The following NDUFA10 variants were observed in gnomAD, a reference collection of about 807,000 sequenced individuals.
The protein encoded by NDUFA10 is NADH:ubiquinone oxidoreductase subunit A10.
In NDUFA10, 40 loss-of-function variants were observed where a neutral mutation model predicts 47.8. That is an observed-to-expected ratio of 0.84 (90% CI 0.65 to 1.09). NDUFA10 has a LOEUF of 1.09. Among genes scored for constraint, NDUFA10 ranks in the 50% least tolerant of loss-of-function variants. The pLI, the probability that NDUFA10 is intolerant of heterozygous loss-of-function variation, is 0.00. For synonymous variants in NDUFA10, 183 were observed against 172.2 expected (o/e 1.06, Z -0.49); for missense variants, 413 against 451.1 (o/e 0.92, Z 0.76).
At chr2:239,933,424 G>A (rs1297786186) in intron 4 of NDUFA10, among the ~76,000 whole-genome samples, 1 of 152,194 alleles carries the variant, frequency 6.6e-6, no homozygotes, top group Non-Finnish European at 1.5e-5. Context: ...GGCCTGGGGA[G>A]CGACCTGGAG....
chr2:239,981,061 T>C (rs1695753928), intron 9 of NDUFA10, among the ~76,000 whole-genome samples: 3 of 152,238 alleles, frequency 2.0e-5, no homozygotes, highest in South Asian at 2.1e-4. Flanking sequence ...TCCTCAGGAA[T>C]CTGAGGCCTG....
At chr2:239,976,185 T>C (rs1292643747) in intron 9 of NDUFA10, among the ~76,000 whole-genome samples, 1 of 152,224 alleles carries the variant, frequency 6.6e-6, no homozygotes, top group Non-Finnish European at 1.5e-5. Flanking sequence ...CATAACAATG[T>C]GCAATGCCCT....
intron 4 of NDUFA10, among the ~76,000 whole-genome samples, chr2:239,917,577 C>T (rs968030917): frequency 3.3e-5 from 5 of 152,196 alleles, no homozygotes; most frequent in East Asian, 1.9e-4. Context: ...ACCTAGATAA[C>T]GGACATCTGG....
intron 4 of NDUFA10, among the ~76,000 whole-genome samples, chr2:239,910,703 A>G (rs1481386111): frequency 6.6e-6 from 1 of 151,962 alleles, no homozygotes; most frequent in South Asian, 2.1e-4. Context: ...CCGCACCTGT[A>G]CCCCCGAACT....
chr2:239,947,265 T>C lies in NDUFA10; in HGVS notation c.294+42809A>G, dbSNP rs151035445. Reference sequence around the variant, plus strand: ...CGAGCCTGGGAATACCAAGAAGTCATACCAGGACAGCCCTATACCAATGCA... The same window carrying C: ...CGAGCCTGGGAATACCAAGAAGTCACACCAGGACAGCCCTATACCAATGCA... On this transcript the variant is annotated intron_variant, in intron 4 of 5. Coordinates refer to the NDUFA10 transcript ENST00000419408. Among the ~76,000 whole-genome samples the C allele has an allele frequency of 4.8e-3, 730 of 152,272 alleles. 11 individuals carry two copies. The highest frequency in any genetic ancestry group is 0.017 in the African/African-American group (701 of 41,560).
intron 9 of NDUFA10, among the ~76,000 whole-genome samples, chr2:239,973,265 T>C (rs1459821001): frequency 6.6e-6 from 1 of 151,992 alleles, no homozygotes; most frequent in South Asian, 2.1e-4. Flanking sequence ...CCAAACTGAG[T>C]TCCAAGTAAG....
At chr2:239,992,420 C>T (rs1215904028) in intron 8 of NDUFA10, among the ~76,000 whole-genome samples, 2 of 152,176 alleles carry the variant, frequency 1.3e-5, no homozygotes, top group African/African-American at 4.8e-5. Context: ...AACTGAATGT[C>T]AACACTTTGT....
Position 239,961,085 on chromosome 2 carries a change from A to G in NDUFA10, c.*33T>C, listed in dbSNP as rs751621613. On this transcript the variant is annotated 3_prime_UTR_variant, in exon 10 of 10. Coordinates refer to ENST00000252711, the MANE Select transcript of NDUFA10 (RefSeq NM_004544.4). ...GTGCGGCTGATGCAGCTTGGCCATC[A>G]CTGTGATGCAGCTGGAGCAGAAGGC... The G allele has an allele frequency of 3.7e-6, 6 of 1,613,710 alleles. No individual in the cohort carries two copies. Among genetic ancestry groups the G allele is most frequent in the Non-Finnish European group, 5.1e-6 (6 of 1,179,922 alleles).
At chr2:239,985,182 G>C (rs142495865) in intron 9 of NDUFA10, among the ~76,000 whole-genome samples, 1 of 152,118 alleles carries the variant, frequency 6.6e-6, no homozygotes, top group Non-Finnish European at 1.5e-5. Context: ...CAAACCAAAC[G>C]TTAGGGACCA....
chr2:239,974,663 T>C (rs758048565), intron 9 of NDUFA10, among the ~76,000 whole-genome samples: 7 of 152,168 alleles, frequency 4.6e-5, no homozygotes, highest in Non-Finnish European at 8.8e-5. Flanking sequence ...GACCTGGTCA[T>C]TTAAAAATAT....
chr2:239,941,598 C>T (rs531305465), intron 4 of NDUFA10, among the ~76,000 whole-genome samples: 24 of 152,078 alleles, frequency 1.6e-4, no homozygotes, highest in African/African-American at 5.3e-4. Flanking sequence ...TGATGGCGCA[C>T]GTTTGTAATC....
chr2:239,954,735 A>G (rs1051686388), downstream of NDUFA10, among the ~76,000 whole-genome samples: 4 of 152,168 alleles, frequency 2.6e-5, no homozygotes, highest in Non-Finnish European at 5.9e-5. Flanking sequence ...AAAAAATAGC[A>G]TTTTTTTATT....
chr2:240,022,716 T>C (rs1175851973), intron 1 of NDUFA10, among the ~76,000 whole-genome samples: 3 of 150,776 alleles, frequency 2.0e-5, no homozygotes, highest in Non-Finnish European at 4.4e-5. Context: ...AGCTCAGGAG[T>C]GAAGGGAAGG....
At chr2:239,913,904 C>T (rs1481499686) in intron 4 of NDUFA10, among the ~76,000 whole-genome samples, 1 of 152,240 alleles carries the variant, frequency 6.6e-6, no homozygotes, top group African/African-American at 2.4e-5. Context: ...GTCCTGTTGT[C>T]ATCCACATGT....
downstream of NDUFA10, among the ~76,000 whole-genome samples, chr2:239,956,331 C>A: frequency 6.6e-6 from 1 of 152,332 alleles, no homozygotes; most frequent in African/African-American, 2.4e-5. Flanking sequence ...TCGTCACACA[C>A]GGGATGAGGC....
chr2:239,928,967 C>A lies in NDUFA10; in HGVS notation c.295-33653G>T, dbSNP rs1474861474. On this transcript the variant is annotated intron_variant, in intron 4 of 5. Transcript: ENST00000419408. The surrounding 1 kb of genome is among the most constrained non-coding windows in gnomAD (Gnocchi z 4.3). ...CCGAGGTCAGGAGCCCCCGACTCTT[C>A]CTCCTGCACCTACTCCTGTCTCTGT... Among the ~76,000 whole-genome samples, 1 of 152,232 alleles carries A rather than the reference C, an allele frequency of 6.6e-6. No homozygotes were observed. Among genetic ancestry groups the A allele is most frequent in the Admixed American group, 6.5e-5 (1 of 15,288 alleles).
At chr2:239,983,992 G>A (rs1433471135) in intron 9 of NDUFA10, among the ~76,000 whole-genome samples, 1 of 152,136 alleles carries the variant, frequency 6.6e-6, no homozygotes, top group African/African-American at 2.4e-5. Context: ...CAGCACTTTG[G>A]GAGGCTGAGG....
chr2:239,997,649 G>A (rs550043790), intron 8 of NDUFA10, among the ~76,000 whole-genome samples: 126 of 152,302 alleles, frequency 8.3e-4, no homozygotes, highest in African/African-American at 2.8e-3. Flanking sequence ...GCTCTTTACT[G>A]TATTATGAAC....
In NDUFA10 at chr2:239,928,707, G is replaced by T. The variant is rs907139311; in HGVS notation, c.295-33393C>A. On this transcript the variant is annotated intron_variant, in intron 4 of 5. Coordinates refer to the NDUFA10 transcript ENST00000419408. The surrounding 1 kb of genome is among the most constrained non-coding windows in gnomAD (Gnocchi z 4.3). ...CTCCAGAGGCACCCAGCCAACCACC[G>T]GACATCCCGCTCCAGGTCCCTCTGT... Among the ~76,000 whole-genome samples, 2 of 152,098 alleles carry T rather than the reference G, an allele frequency of 1.3e-5. No individual in the cohort carries two copies. Among genetic ancestry groups the T allele is most frequent in the African/African-American group, 4.8e-5 (2 of 41,432 alleles).
Sources: gnomAD v4.1 joint callset for allele counts (sites outside exome capture counted in the v4.1 genomes callset) on GRCh38, gnomAD v4.1.1 for gene constraint, Gnocchi (gnomAD v3.1) non-coding constraint, MANE v1.5 for transcripts, NCBI Gene and HGNC (gene_info 2026-07-23, HGNC 2026-07-21) for gene names.